AUTS2: variants seen among roughly 807,000 people sequenced by gnomAD.
AUTS2 encodes the protein autism susceptibility gene 2 protein.
Under a neutral mutation model 112.4 loss-of-function variants are expected in AUTS2, and 17 were observed. The ratio of observed to expected loss-of-function variants is 0.15; its 90% CI spans 0.10 to 0.23. The LOEUF (loss-of-function observed/expected upper bound fraction) is 0.23. Among genes scored for constraint, AUTS2 ranks in the 10% least tolerant of loss-of-function variants. AUTS2 has a pLI of 1.00. For synonymous variants in AUTS2, 751 were observed against 702.7 expected (o/e 1.07, Z -1.09); for missense variants, 1,510 against 1,701.6 (o/e 0.89, Z 1.98).
At chr7:70,052,502 G>A (rs1801800618) in intron 2 of AUTS2, among the ~76,000 whole-genome samples, 1 of 152,196 alleles carries the variant, frequency 6.6e-6, no homozygotes, top group African/African-American at 2.4e-5. Context: ...GGATACAGCT[G>A]TACAGGTTGT....
intron 11 of AUTS2, among the ~76,000 whole-genome samples, chr7:70,772,836 C>T (rs1460084746): frequency 6.6e-6 from 1 of 152,220 alleles, no homozygotes; most frequent in Non-Finnish European, 1.5e-5. Flanking sequence ...AACTCCTTCC[C>T]CCAGTCTGCA....
intron 4 of AUTS2, among the ~76,000 whole-genome samples, chr7:70,183,491 C>G (rs1312287000): frequency 1.3e-5 from 2 of 152,210 alleles, no homozygotes; most frequent in African/African-American, 4.8e-5. Flanking sequence ...GGTTTTGGCC[C>G]TTAGTCCTTC....
intron 2 of AUTS2, among the ~76,000 whole-genome samples, chr7:69,923,654 A>G (rs1795900113): frequency 6.6e-6 from 1 of 152,222 alleles, no homozygotes; most frequent in South Asian, 2.1e-4. Flanking sequence ...TTTTCAGTAT[A>G]TAAGCCTTTC....
intron 1 of AUTS2, among the ~76,000 whole-genome samples, chr7:69,721,510 A>G (rs1442314796): frequency 1.3e-5 from 2 of 152,178 alleles, no homozygotes; most frequent in Non-Finnish European, 2.9e-5. Flanking sequence ...TCTTTTGCCC[A>G]TCAGTGTATT....
At chr7:69,945,628 G>T (rs919413964) in intron 2 of AUTS2, among the ~76,000 whole-genome samples, 4 of 150,078 alleles carry the variant, frequency 2.7e-5, no homozygotes, top group Admixed American at 6.6e-5. Flanking sequence ...GTTTTTTTGG[G>T]TTTTTTTTTG....
chr7:70,637,954 G>C (rs1805611594), intron 5 of AUTS2, among the ~76,000 whole-genome samples: 2 of 152,178 alleles, frequency 1.3e-5, no homozygotes, highest in Admixed American at 6.5e-5. Flanking sequence ...GTTGGGCTCA[G>C]GTTGGCATGC....
At chr7:70,546,635 C>T (rs1470286010) in intron 5 of AUTS2, among the ~76,000 whole-genome samples, 1 of 151,594 alleles carries the variant, frequency 6.6e-6, no homozygotes, top group Non-Finnish European at 1.5e-5. Context: ...AAAAATTAGC[C>T]GGGCATGGTG....
intron 5 of AUTS2, among the ~76,000 whole-genome samples, chr7:70,503,515 CA>C (rs1160609560): frequency 1.7e-5 from 2 of 114,498 alleles, no homozygotes; most frequent in African/African-American, 3.6e-5. Context: ...ACTCCCGTCT[CA>C]TTTTTTTTTT....
intron 4 of AUTS2, among the ~76,000 whole-genome samples, chr7:70,256,736 C>T (rs1443597960): frequency 6.6e-6 from 1 of 152,150 alleles, no homozygotes; most frequent in African/African-American, 2.4e-5. Flanking sequence ...TTTTGTTTTT[C>T]TGCCAGTTGG....
At chr7:70,126,922 G>A (rs1299201941) in intron 3 of AUTS2, among the ~76,000 whole-genome samples, 2 of 152,070 alleles carry the variant, frequency 1.3e-5, no homozygotes, top group African/African-American at 2.4e-5. Flanking sequence ...CACCTCCTGG[G>A]TTCAAGCAAT....
chr7:70,744,816 G>A (rs954431129), intron 6 of AUTS2, among the ~76,000 whole-genome samples: 1 of 152,026 alleles, frequency 6.6e-6, no homozygotes, highest in South Asian at 2.1e-4. Flanking sequence ...TTCCTCCCAC[G>A]GGAGGAGCTT....
chr7:69,635,342 A>T (rs1404488686), intron 1 of AUTS2, among the ~76,000 whole-genome samples: 1 of 152,234 alleles, frequency 6.6e-6, no homozygotes, highest in African/African-American at 2.4e-5. Context: ...TAAATACAAA[A>T]CAAAAAGCAC....
At chr7:70,688,269 C>G (rs554598286) in intron 5 of AUTS2, among the ~76,000 whole-genome samples, 1 of 152,256 alleles carries the variant, frequency 6.6e-6, no homozygotes, top group South Asian at 2.1e-4. Flanking sequence ...TAACTCTGTG[C>G]TGGGTACAAA....
chr7:70,109,726 A>G (rs929112788), intron 2 of AUTS2, among the ~76,000 whole-genome samples: 5 of 152,126 alleles, frequency 3.3e-5, no homozygotes, highest in Non-Finnish European at 7.3e-5. Flanking sequence ...AGACTTAGAG[A>G]GTCTGCTCTA....
At chr7:70,226,504 C>T (rs1228079859) in intron 4 of AUTS2, among the ~76,000 whole-genome samples, 3 of 151,802 alleles carry the variant, frequency 2.0e-5, no homozygotes, top group African/African-American at 4.8e-5. Flanking sequence ...CATACCTGGC[C>T]CCCCCTTTTA....
intron 1 of AUTS2, among the ~76,000 whole-genome samples, chr7:69,871,549 C>A (rs1267070008): frequency 6.6e-6 from 1 of 152,146 alleles, no homozygotes. Context: ...ACAACAATAA[C>A]TAAAACAACA....
intron 5 of AUTS2, among the ~76,000 whole-genome samples, chr7:70,599,186 C>G (rs1245850218): frequency 2.0e-5 from 3 of 152,200 alleles, no homozygotes; most frequent in African/African-American, 7.2e-5. Flanking sequence ...CGTACTGTAA[C>G]AATAGAGCAT....
At chr7:70,243,998 T>C (rs1812770262) in intron 4 of AUTS2, among the ~76,000 whole-genome samples, 1 of 152,012 alleles carries the variant, frequency 6.6e-6, no homozygotes, top group Non-Finnish European at 1.5e-5. Flanking sequence ...AGTAAGAGTA[T>C]GGGAGATACT....
intron 5 of AUTS2, among the ~76,000 whole-genome samples, chr7:70,561,829 A>G (rs576670585): frequency 7.5e-4 from 114 of 152,170 alleles, no homozygotes; most frequent in African/African-American, 2.6e-3. Context: ...AATAGCCAGA[A>G]CTAGGTCACG....
Sources: gnomAD v4.1 joint callset for allele counts (sites outside exome capture counted in the v4.1 genomes callset) on GRCh38, gnomAD v4.1.1 for gene constraint, MANE v1.5 for transcripts, NCBI Gene and HGNC (gene_info 2026-07-23, HGNC 2026-07-21) for gene names.